NLRP4: variants seen among roughly 807,000 people sequenced by gnomAD.
NLRP4 encodes the protein NACHT, LRR and PYD domains-containing protein 4.
Under a neutral mutation model 84.7 loss-of-function variants are expected in NLRP4, and 44 were observed. The ratio of observed to expected loss-of-function variants is 0.52; its 90% confidence interval spans 0.41 to 0.67. The LOEUF is 0.67. Among genes scored for constraint, NLRP4 ranks in the 30% least tolerant of loss-of-function variants. The probability of loss-of-function intolerance (pLI) is 0.00; values close to 1 mark genes in which losing one functional copy is unlikely to be tolerated. For missense variants in NLRP4, 1,260 were observed against 1,219.4 expected (o/e 1.03, Z -0.50); for synonymous variants, 544 against 476.4 (o/e 1.14, Z -1.85).
At chr19:55,850,163 T>G (rs865972693) in intron 1 of NLRP4, among the ~76,000 whole-genome samples, 22 of 123,024 alleles carry the variant, frequency 1.8e-4, no homozygotes, top group African/African-American at 8.0e-4. Flanking sequence ...GGCTGCGGTG[T>G]AATTTCCGTG....
At chr19:55,850,189 C>A (rs1298711741) in intron 1 of NLRP4, among the ~76,000 whole-genome samples, 2 of 145,660 alleles carry the variant, frequency 1.4e-5, no homozygotes, top group Admixed American at 6.7e-5. Flanking sequence ...GGTGTAATTT[C>A]CGTGGCTGCG....
intron 1 of NLRP4, among the ~76,000 whole-genome samples, chr19:55,844,576 A>C (rs1208352588): frequency 6.6e-6 from 1 of 152,104 alleles, no homozygotes; most frequent in Non-Finnish European, 1.5e-5. Context: ...GTGCCCGGCC[A>C]GATTTTCCTC....
chr19:55,857,912 G>C lies in NLRP4; in HGVS notation c.519G>C (p.Ser173=). ...TGATGAAGCTGATGATGGCCTGGTC[G>C]GACAACAAGATCTTTCGGGATAGGT... The part of the protein sequence containing the change: ...TLLMKLMMAW[S]DNKIFRDRFL... Residue 173 remains serine (S), a synonymous_variant, in exon 3 of 10, where the codon TCG becomes TCC. Coordinates refer to ENST00000301295, the MANE Select transcript of NLRP4 (RefSeq NM_134444.5). 1 of 1,614,126 alleles carries C rather than the reference G, an allele frequency of 6.2e-7. No homozygotes were observed. Among genetic ancestry groups the C allele is most frequent in the Non-Finnish European group, 8.5e-7 (1 of 1,180,018 alleles).
chr19:55,846,343 A>G (rs1029670112), intron 1 of NLRP4, among the ~76,000 whole-genome samples: 4 of 152,068 alleles, frequency 2.6e-5, no homozygotes, highest in African/African-American at 9.7e-5. Context: ...GATATGCGGC[A>G]TTATTTCCGA....
chr19:55,874,603 C>T (rs1394700418), intron 7 of NLRP4, among the ~76,000 whole-genome samples: 1 of 152,094 alleles, frequency 6.6e-6, no homozygotes, highest in East Asian at 1.9e-4. Context: ...AAAAATGAAT[C>T]AGTCAAATCT....
chr19:55,881,643 G>C lies in NLRP4; in HGVS notation c.*56G>C. 1 of 825,678 alleles carries C rather than the reference G, an allele frequency of 1.2e-6. No homozygotes were observed. Among genetic ancestry groups the C allele is most frequent in the Non-Finnish European group, 2.1e-6 (1 of 485,300 alleles). The allele number at this position is 825,678 out of a possible 1,614,324, so 51.1% of individuals were successfully genotyped here. A position where few individuals can be genotyped will look rare whatever the true frequency, so the allele number is the denominator to read the frequency against. ...CCTGCAAAGGACAGGGACTGGGACC[G>C]TTACTTACATGACACTGCACCCAGG... On this transcript the variant is annotated 3_prime_UTR_variant, in exon 10 of 10. Transcript: ENST00000301295.
chr19:55,855,221 TTA>T (rs1984364160), intron 2 of NLRP4, among the ~76,000 whole-genome samples: 1 of 152,074 alleles, frequency 6.6e-6, no homozygotes, highest in South Asian at 2.1e-4. Flanking sequence ...AAAAAGTAAT[TTA>T]TATAAAGAAG....
At chr19:55,859,599 T>C (rs1216807119) in intron 3 of NLRP4, among the ~76,000 whole-genome samples, 1 of 152,110 alleles carries the variant, frequency 6.6e-6, no homozygotes, top group Non-Finnish European at 1.5e-5. Flanking sequence ...TGTCTTGACC[T>C]CTCAGCTGCA....
intron 1 of NLRP4, among the ~76,000 whole-genome samples, chr19:55,840,908 C>T (rs1311448171): frequency 6.6e-6 from 1 of 152,034 alleles, no homozygotes; most frequent in Admixed American, 6.6e-5. Flanking sequence ...TAATTCAAGT[C>T]GTGCAATAAA....
rs775124073 is a variant in NLRP4, at chr19:55,858,194, G to C, written c.801G>C (p.Lys267Asn). 8.1e-6 allele frequency: 13 copies of C among 1,614,062 alleles called. No individual in the cohort carries two copies. Among genetic ancestry groups the C allele is most frequent in the African/African-American group, 1.3e-5 (1 of 74,930 alleles). The change falls in exon 3 of 10, where the codon AAG (lysine) becomes AAC (asparagine). Residue 267 changes from lysine to asparagine, a missense_variant. Lys to Asn is a moderately conservative substitution (Grantham distance 94). Around this residue, in one of 3 missense-constraint regions of NLRP4, gnomAD observed 712 missense variants for 669.2 expected, o/e 1.06. Transcript: ENST00000301295. This position sits in a 1 kb window ranked among gnomAD's most constrained non-coding sequence, Gnocchi z 4.2. ...VQVLLSSLLRKKMLPEASLLI... is the reference protein window; with the variant it reads ...VQVLLSSLLRNKMLPEASLLI... Reference sequence around the variant, plus strand: ...TGCTTCTGAGCAGTTTGCTGAGGAAGAAGATGCTCCCGGAGGCCTCCCTGC... The same window carrying C: ...TGCTTCTGAGCAGTTTGCTGAGGAACAAGATGCTCCCGGAGGCCTCCCTGC...
At chr19:55,837,704 G>A (rs553179594) in intron 1 of NLRP4, among the ~76,000 whole-genome samples, 125 of 152,190 alleles carry the variant, frequency 8.2e-4, no homozygotes, top group African/African-American at 3.0e-3. Flanking sequence ...ACTGGAGTGA[G>A]TGGCCCCCCT....
In NLRP4 at chr19:55,862,132, A is replaced by G. The variant is rs187933202; in HGVS notation, c.2159A>G (p.Tyr720Cys). Residue 720 changes from tyrosine (Y) to cysteine (C), a missense_variant, in exon 5 of 10, where the codon TAC becomes TGC. Tyr to Cys is a radical substitution (Grantham distance 194). This residue lies in a region of NLRP4 where 544 missense variants were observed against 531.7 expected (regional missense o/e 1.02). Transcript: ENST00000301295. ...AGGTCCCTCTGTGATGCCTTGAACT[A>G]CCCAGCAGGCAACGTCAAAGAGCTA... ...DIRSLCDALN[Y>C]PAGNVKELAL... 6.2e-7 allele frequency: 1 copy of G among 1,613,742 alleles called. No homozygotes were observed. The highest frequency in any genetic ancestry group is 1.7e-5 in the Admixed American group (1 of 59,996).
chr19:55,845,871 G>GT (rs1983776146), intron 1 of NLRP4, among the ~76,000 whole-genome samples: 5 of 119,242 alleles, frequency 4.2e-5, no homozygotes, highest in African/African-American at 2.3e-4. Flanking sequence ...TTTTGATGGG[G>GT]TTGTTTTTTT....
intron 7 of NLRP4, among the ~76,000 whole-genome samples, chr19:55,873,075 G>T (rs1349613196): frequency 6.6e-6 from 1 of 152,124 alleles, no homozygotes; most frequent in African/African-American, 2.4e-5. Flanking sequence ...TATCAAGAAT[G>T]AGGATAAAAA....
rs372368416 is a variant in NLRP4 at position 55,866,979 on chromosome 19, A to G, written c.2187-730A>G. ...GGGGGAGGCTAAGCCAAGCATGCAT[A>G]TAACTGACACTGTGCGTCTCAGGTT... On this transcript the variant is annotated intron_variant, in intron 5 of 9. Coordinates refer to ENST00000301295, the MANE Select transcript of NLRP4 (RefSeq NM_134444.5). 1.3e-3 allele frequency among the ~76,000 whole-genome samples: 191 copies of G among 152,256 alleles called. 1 individual carries two copies. The highest frequency in any genetic ancestry group is 4.4e-3 in the African/African-American group (181 of 41,532).
chr19:55,853,285 A>G (rs1332850287), intron 2 of NLRP4, among the ~76,000 whole-genome samples: 1 of 152,162 alleles, frequency 6.6e-6, no homozygotes, highest in African/African-American at 2.4e-5. Flanking sequence ...GGATTCTTTA[A>G]TATTCTTGCA....
At chr19:55,837,708 C>T (rs927189143) in intron 1 of NLRP4, among the ~76,000 whole-genome samples, 2 of 152,030 alleles carry the variant, frequency 1.3e-5, no homozygotes, top group African/African-American at 2.4e-5. Context: ...GAGTGAGTGG[C>T]CCCCCTAACT....
Position 55,857,949 on chromosome 19 carries a change from T to A in NLRP4, c.556T>A (p.Phe186Ile). 1.2e-6 allele frequency: 2 copies of A among 1,614,156 alleles called. No homozygotes were observed. The highest frequency in any genetic ancestry group is 1.1e-5 in the South Asian group (1 of 91,078). ...CTTTCGGGATAGGTTCCTGTACACG[T>A]TCTATTTCTGCTGCAGAGAACTGAG... is the stretch of plus-strand genomic sequence containing the variant. Reference protein sequence around the residue: ...KIFRDRFLYTFYFCCRELREL... With the variant: ...KIFRDRFLYTIYFCCRELREL... Residue 186 changes from phenylalanine to isoleucine, a missense_variant, in exon 3 of 10, where the codon TTC becomes ATC. By Grantham distance (21) the Phe-to-Ile change is conservative. Transcript: ENST00000301295.
At chr19:55,878,719 A>C in intron 8 of NLRP4, 75 bp from the exon 9 acceptor site, 1 of 1,334,360 alleles carries the variant, frequency 7.5e-7, no homozygotes, top group Non-Finnish European at 1.0e-6. Context: ...CCTCAACTAG[A>C]CGTCTAGCTC....
Sources: allele counts gnomAD v4.1 joint callset (sites outside exome capture counted in the v4.1 genomes callset), GRCh38; gene constraint gnomAD v4.1.1; regional missense constraint gnomAD v4.1.1; non-coding constraint Gnocchi (gnomAD v3.1); transcripts MANE v1.5; gene names NCBI Gene and HGNC (gene_info 2026-07-23, HGNC 2026-07-21).